Variants in CAST observed in about 807,000 individuals in gnomAD.
CAST encodes the protein calpastatin.
Under a neutral mutation model 119.6 loss-of-function variants are expected in CAST, and 76 were observed. That is an observed-to-expected ratio of 0.64 (90% CI 0.53 to 0.77). The LOEUF (loss-of-function observed/expected upper bound fraction) is 0.77. Among genes scored for constraint, CAST ranks in the 30% least tolerant of loss-of-function variants. CAST has a pLI of 0.00. For missense variants in CAST, 953 were observed against 946.5 expected, an observed-to-expected ratio of 1.01 and a Z score of -0.09; for synonymous variants, 319 against 331.6, an observed-to-expected ratio of 0.96 and a Z score of 0.41.
At chr5:96,235,039 G>GA in the CAST span, among the ~76,000 whole-genome samples, 1 of 152,050 alleles carries the variant, frequency 6.6e-6, no homozygotes, top group Non-Finnish European at 1.5e-5. Context: ...GAGGCAAATG[G>GA]AAAAAATAGA....
At chr5:96,419,062 T>C in the CAST span, among the ~76,000 whole-genome samples, 1 of 152,020 alleles carries the variant, frequency 6.6e-6, no homozygotes, top group Non-Finnish European at 1.5e-5. Context: ...AAGCCAAATA[T>C]CCTTGTCACA....
chr5:96,484,319 C>T, the CAST span, among the ~76,000 whole-genome samples: 29 of 152,300 alleles, frequency 1.9e-4, no homozygotes, highest in African/African-American at 5.8e-4. Context: ...CTAATGATTT[C>T]ATATGACTAG....
the CAST span, among the ~76,000 whole-genome samples, chr5:96,496,981 G>A: frequency 1.3e-5 from 2 of 151,186 alleles, no homozygotes; most frequent in African/African-American, 4.9e-5. Flanking sequence ...TTTAACATTA[G>A]GTATATCTCC....
chr5:96,003,500 T>C, the CAST span, among the ~76,000 whole-genome samples: 4 of 132,374 alleles, frequency 3.0e-5, no homozygotes, highest in African/African-American at 1.2e-4. Flanking sequence ...ATGGCGCCAC[T>C]GCACTCCAGC....
chr5:96,032,355 T>TA, the CAST span, among the ~76,000 whole-genome samples: 13 of 151,944 alleles, frequency 8.6e-5, no homozygotes, highest in African/African-American at 2.2e-4. Context: ...GAGGCAATGG[T>TA]AAAAAAAAGT....
chr5:95,977,234 G>A, the CAST span, among the ~76,000 whole-genome samples: 6 of 152,232 alleles, frequency 3.9e-5, no homozygotes, highest in Non-Finnish European at 8.8e-5. Flanking sequence ...AGCACTGGCA[G>A]ATTCAGTGTT....
the CAST span, among the ~76,000 whole-genome samples, chr5:96,068,915 C>A: frequency 1.4e-5 from 2 of 144,126 alleles, no homozygotes; most frequent in African/African-American, 5.1e-5. Context: ...TTACATATGG[C>A]TCTTGGTTTA....
the CAST span, among the ~76,000 whole-genome samples, chr5:96,401,716 G>A: frequency 1.9e-3 from 291 of 152,106 alleles, no homozygotes; most frequent in African/African-American, 6.3e-3. Context: ...TCTAACATGC[G>A]GGAAACTCAT....
the CAST span, among the ~76,000 whole-genome samples, chr5:96,466,480 G>A: frequency 2.6e-5 from 4 of 152,084 alleles, no homozygotes; most frequent in South Asian, 2.1e-4. Flanking sequence ...GCCCTGCCTC[G>A]GTCCCTCGTG....
At chr5:96,382,122 A>G in the CAST span, among the ~76,000 whole-genome samples, 2 of 152,208 alleles carry the variant, frequency 1.3e-5, no homozygotes. Context: ...CACTGCTGCT[A>G]TTCTAATGTC....
the CAST span, among the ~76,000 whole-genome samples, chr5:96,398,435 G>A: frequency 1.3e-5 from 2 of 152,174 alleles, no homozygotes; most frequent in Admixed American, 1.3e-4. Context: ...CCTTATTCAT[G>A]TTACTATGAT....
At chr5:95,993,799 G>A in the CAST span, among the ~76,000 whole-genome samples, 1 of 151,966 alleles carries the variant, frequency 6.6e-6, no homozygotes, top group Non-Finnish European at 1.5e-5. Flanking sequence ...AAACAACTTT[G>A]GGCAGAGGAT....
the CAST span, among the ~76,000 whole-genome samples, chr5:96,340,243 G>T: frequency 3.3e-5 from 5 of 152,236 alleles, no homozygotes; most frequent in South Asian, 2.1e-4. Flanking sequence ...TTTTCTGCGG[G>T]AGTCCACCTT....
the CAST span, among the ~76,000 whole-genome samples, chr5:96,408,646 A>G: frequency 6.6e-6 from 1 of 152,248 alleles, no homozygotes; most frequent in African/African-American, 2.4e-5. Flanking sequence ...AATCACTGTG[A>G]ATCATGCTGG....
intron 3 of CAST, among the ~76,000 whole-genome samples, chr5:96,697,093 G>A (rs1009320197): frequency 4.0e-4 from 60 of 151,776 alleles, no homozygotes; most frequent in Admixed American, 9.8e-4. Context: ...GCTTGAACCC[G>A]GGAGGCACAG....
intron 12 of CAST, 73 bp from the exon 13 acceptor site, chr5:96,740,672 C>A (rs369056785): frequency 7.6e-6 from 8 of 1,053,510 alleles, no homozygotes; most frequent in Non-Finnish European, 1.2e-5. Context: ...CAACCCACAA[C>A]GGGCAATACA....
intron 1 of CAST, among the ~76,000 whole-genome samples, chr5:96,585,652 C>G (rs1262170215): frequency 1.3e-5 from 2 of 152,174 alleles, no homozygotes; most frequent in African/African-American, 4.8e-5. Flanking sequence ...CTGGCAAAAG[C>G]ATTAGGGGCT....
intron 16 of CAST, among the ~76,000 whole-genome samples, chr5:96,744,410 T>C (rs1763320831): frequency 1.3e-5 from 2 of 152,118 alleles, no homozygotes; most frequent in Non-Finnish European, 2.9e-5. Context: ...GCAGGGGAAC[T>C]CCCCTTTATA....
intron 1 of CAST, among the ~76,000 whole-genome samples, chr5:96,635,193 G>A (rs1311131445): frequency 1.3e-5 from 2 of 152,214 alleles, no homozygotes; most frequent in Admixed American, 6.5e-5. Context: ...TAAAGGATGA[G>A]GAGATTTGAA....
Sources: allele counts gnomAD v4.1 joint callset (sites outside exome capture counted in the v4.1 genomes callset), GRCh38; gene constraint gnomAD v4.1.1; transcripts MANE v1.5; gene names NCBI Gene and HGNC (gene_info 2026-07-23, HGNC 2026-07-21).